The following ZNF44 variants were observed in gnomAD, a reference collection of about 807,000 sequenced individuals.
The protein encoded by ZNF44 is zinc finger protein 44.
ZNF44 carries 9 observed loss-of-function variants against 11.7 expected under a neutral mutation model. The observed-to-expected ratio is 0.77, with a 90% CI of 0.46 to 1.35. The LOEUF (loss-of-function observed/expected upper bound fraction) is 1.35, where lower values mean the gene tolerates loss of function less well. Among genes scored for constraint, ZNF44 ranks in the 40% most tolerant of loss-of-function variants. ZNF44 has a pLI of 0.00. For missense variants in ZNF44, 696 were observed against 743.1 expected, an observed-to-expected ratio of 0.94 and a Z score of 0.74; for synonymous variants, 224 against 242.7, an observed-to-expected ratio of 0.92 and a Z score of 0.72.
chr19:12,282,406 A>T (rs1044450544), intron 1 of ZNF44, among the ~76,000 whole-genome samples: 1 of 144,480 alleles, frequency 6.9e-6, no homozygotes, highest in African/African-American at 2.6e-5. Flanking sequence ...AAATCAACCC[A>T]CTTGGAGAAG....
At chr19:12,238,667 G>A (rs189034641), upstream of ZNF44, among the ~76,000 whole-genome samples, 9 of 150,214 alleles carry the variant, frequency 6.0e-5, no homozygotes, top group South Asian at 6.3e-4. Context: ...ATGGTGGCAC[G>A]TGCCTGTAAT....
rs770131529 is a variant in ZNF44, at chr19:12,272,939, T to A, written c.1316A>T (p.His439Leu). Reference sequence around the variant, plus strand: ...TTGCTCTCCAGTGTGTGTTGTTTCATGTTTTCGAAGGGAACTGGAAGTACG... The same window carrying A: ...TTGCTCTCCAGTGTGTGTTGTTTCAAGTTTTCGAAGGGAACTGGAAGTACG... ...AFRTSSSLRK[H>L]ETTHTGEQPY... Residue 439 changes from histidine (H) to leucine (L), a missense_variant, in exon 4 of 4, where the codon CAT (histidine) becomes CTT (leucine). Coordinates refer to ENST00000355684, the MANE Select transcript of ZNF44 (RefSeq NM_016264.4). 6.2e-7 allele frequency: 1 copy of A among 1,614,022 alleles called. No individual in the cohort carries two copies. Among genetic ancestry groups the A allele is most frequent in the East Asian group, 2.2e-5 (1 of 44,876 alleles).
intron 2 of ZNF44, among the ~76,000 whole-genome samples, chr19:12,232,005 G>A (rs1009438188): frequency 4.6e-5 from 7 of 152,304 alleles, no homozygotes; most frequent in African/African-American, 1.7e-4. Context: ...AGTATTTATT[G>A]ATCATTTGTG....
rs750027891 is a variant in ZNF44 at position 12,273,112 on chromosome 19, T to C, written c.1143A>G (p.Arg381=). ...CTCCAGTGTGTGCCATCATGTGTCT[T>C]CGAAAGCTTGAGCGATGAGATAACA... ...GKLLSHRSSF[R]RHMMAHTGDG... is the part of the protein sequence containing the mutation. The change falls in exon 4 of 4, where the codon CGA becomes CGG. Residue 381 remains arginine (R), a synonymous_variant. Coordinates refer to ENST00000355684, the MANE Select transcript of ZNF44 (RefSeq NM_016264.4). 1 of 1,613,986 alleles carries C rather than the reference T, an allele frequency of 6.2e-7. No individual in the cohort carries two copies. The highest frequency in any genetic ancestry group is 1.7e-5 in the Admixed American group (1 of 60,016).
chr19:12,291,101 G>A (rs1967989627), intron 1 of ZNF44: 1 of 337,256 alleles, frequency 3.0e-6, no homozygotes, highest in Non-Finnish European at 5.8e-6. Flanking sequence ...ATAAACATCA[G>A]TTACTACTTC....
intron 5 of ZNF44, among the ~76,000 whole-genome samples, chr19:12,252,051 CAA>C (rs61116689): frequency 6.6e-5 from 6 of 90,746 alleles, no homozygotes; most frequent in Admixed American, 2.5e-4. Flanking sequence ...AACTCCATCT[CAA>C]AAAAAAAAAA....
At chr19:12,288,545 C>T (rs949563424) in intron 1 of ZNF44, among the ~76,000 whole-genome samples, 11 of 151,488 alleles carry the variant, frequency 7.3e-5, no homozygotes, top group Non-Finnish European at 1.5e-4. Flanking sequence ...AGTTTGAGAC[C>T]AGCCTGGCCA....
At chr19:12,268,143 CAG>C (rs1226151063), downstream of ZNF44, among the ~76,000 whole-genome samples, 57 of 125,950 alleles carry the variant, frequency 4.5e-4, no homozygotes, top group African/African-American at 1.4e-3. Context: ...CACACACACA[CAG>C]ACACACACAC....
downstream of ZNF44, among the ~76,000 whole-genome samples, chr19:12,270,183 T>C (rs1054260742): frequency 1.3e-5 from 2 of 152,052 alleles, no homozygotes; most frequent in African/African-American, 4.8e-5. Context: ...TAGGGTAAAA[T>C]AGATACATTT....
At chr19:12,270,112 C>A (rs113210358), downstream of ZNF44, among the ~76,000 whole-genome samples, 1,427 of 152,128 alleles carry the variant, frequency 9.4e-3, 8 homozygotes, top group Non-Finnish European at 0.013. Flanking sequence ...CTTCTTCCAT[C>A]CCATTCTTCA....
chr19:12,248,720 G>C (rs1916858685), intron 7 of ZNF44: 1 of 1,113,262 alleles, frequency 9.0e-7, no homozygotes, highest in African/African-American at 1.6e-5. Flanking sequence ...ATTTTTTAAA[G>C]ATTTTCTCTT....
chr19:12,233,839 G>A (rs1196925170), intron 2 of ZNF44, among the ~76,000 whole-genome samples: 1 of 152,090 alleles, frequency 6.6e-6, no homozygotes, highest in Non-Finnish European at 1.5e-5. Flanking sequence ...CGAGGCAGGT[G>A]GATCATGAGG....
upstream of ZNF44, among the ~76,000 whole-genome samples, chr19:12,239,124 A>AT (rs963661656): frequency 1.3e-5 from 2 of 151,972 alleles, no homozygotes; most frequent in African/African-American, 2.4e-5. Context: ...AACTAAACAG[A>AT]TTTTTTTAGA....
At chr19:12,278,882 A>G (rs1003249296) in intron 1 of ZNF44, among the ~76,000 whole-genome samples, 20 of 152,244 alleles carry the variant, frequency 1.3e-4, no homozygotes, top group African/African-American at 4.8e-4. Context: ...ATATTTTTAT[A>G]AAAGATGGGT....
chr19:12,265,381 T>TCAAA (rs145931845), intron 5 of ZNF44, among the ~76,000 whole-genome samples: 1 of 152,008 alleles, frequency 6.6e-6, no homozygotes, highest in African/African-American at 2.4e-5. Context: ...AGACACTGTC[T>TCAAA]CAAACAAACA....
rs1478506119 is a variant in ZNF44 at position 12,274,332 on chromosome 19, GTGCTGTCTC to G, written c.192-278_192-270del. On this transcript the variant is annotated intron_variant, in intron 3 of 3. Transcript: ENST00000355684. ...CTGTCATCAGGCTGGAGTGCAGCTG[GTGCTGTCTC>G]GGCTTGCTGCAACCTCCGCCTCCCA... Among the ~76,000 whole-genome samples, 11 of 145,546 alleles carry G rather than the reference GTGCTGTCTC, an allele frequency of 7.6e-5. No homozygotes were observed. The East Asian group carries it at 1.2e-3, about 16-fold the overall frequency.
chr19:12,266,129 G>A (rs771153987), intron 5 of ZNF44: 1 of 475,240 alleles, frequency 2.1e-6, no homozygotes, highest in Non-Finnish European at 2.8e-6. Context: ...GCCACCCTGC[G>A]GCCAAGGGGA....
chr19:12,276,111 A>C lies in ZNF44; in HGVS notation c.4-29T>G, dbSNP rs759179335. The C allele has an allele frequency of 1.9e-6, 3 of 1,590,116 alleles. No homozygotes were observed. The East Asian group carries it at 6.9e-5, about 37-fold the overall frequency. On this transcript the variant is annotated intron_variant, in intron 1 of 3. Transcript: ENST00000355684. ...AAACATCCCATATGTCCAGAAAAGG[A>C]AGGTTGAAACTCACAGTACTGAGAA...
At chr19:12,269,495 C>A (rs1009917340), downstream of ZNF44, among the ~76,000 whole-genome samples, 1 of 152,096 alleles carries the variant, frequency 6.6e-6, no homozygotes, top group Non-Finnish European at 1.5e-5. Flanking sequence ...GCACTCCAGC[C>A]TGGGCAACAA....
Sources: allele counts gnomAD v4.1 joint callset (sites outside exome capture counted in the v4.1 genomes callset), GRCh38; gene constraint gnomAD v4.1.1; transcripts MANE v1.5; gene names NCBI Gene and HGNC (gene_info 2026-07-23, HGNC 2026-07-21).